The following PXK variants were observed in gnomAD, a reference collection of about 807,000 sequenced individuals.
PXK encodes PX domain-containing protein kinase-like protein.
In PXK, 35 loss-of-function variants were observed where a neutral mutation model predicts 84.7. That is an observed-to-expected ratio of 0.41 (90% confidence interval 0.32 to 0.55). PXK has a LOEUF of 0.55. Ranked by LOEUF, PXK falls within the 20% of genes least tolerant of loss-of-function variation. PXK has a pLI of 0.21. For missense variants in PXK, 634 were observed against 699.7 expected (o/e 0.91, Z 1.06); for synonymous variants, 253 against 260.8 (o/e 0.97, Z 0.29).
In PXK at chr3:58,417,098, G is replaced by A. The variant is rs928257016; in HGVS notation, c.1528+4135G>A. ...TTTTAAATTTTTTGTAGAGACAGGG[G>A]TCTCATCATGTTGCCCAGGTTGGTA... is the stretch of plus-strand genomic sequence containing the variant. On this transcript the variant is annotated intron_variant, in intron 17 of 17. Coordinates refer to ENST00000356151, the MANE Select transcript of PXK (RefSeq NM_017771.5). Among the ~76,000 whole-genome samples the A allele has an allele frequency of 4.6e-5, 7 of 152,224 alleles. No homozygotes were observed. In the East Asian group the frequency reaches 1.4e-3, roughly 29 times the overall value.
intron 13 of PXK, among the ~76,000 whole-genome samples, chr3:58,404,111 C>T (rs2059027230): frequency 6.6e-6 from 1 of 152,048 alleles, no homozygotes; most frequent in Non-Finnish European, 1.5e-5. Flanking sequence ...TTGATAAAGA[C>T]ATTGTAGTAA....
chr3:58,413,171 G>A (rs752962070), intron 17 of PXK: 48 of 609,788 alleles, frequency 7.9e-5, no homozygotes, highest in South Asian at 5.3e-4. Context: ...GGAATGGACC[G>A]GTTTCAGGGC....
At position 58,369,478 on chromosome 3, in the gene PXK, GGTAAAT is replaced by G; in HGVS notation, c.201+3_201+8del. ...TTGATTTGCTTAACAACAGCTTACA[GGTAAAT>G]GTTTTGAAATTCTAATTACACACAT... On this transcript the variant is annotated splice_donor_variant and splice_donor_5th_base_variant and intron_variant, in intron 3 of 17. Transcript: ENST00000356151. LOFTEE classifies it high-confidence loss of function. The G allele has an allele frequency of 6.2e-7, 1 of 1,607,560 alleles. No homozygotes were observed.
chr3:58,417,867 G>A (rs1183040306), intron 17 of PXK, among the ~76,000 whole-genome samples: 1 of 152,078 alleles, frequency 6.6e-6, no homozygotes, highest in Non-Finnish European at 1.5e-5. Flanking sequence ...TTTGAGACAG[G>A]GTCTCTCTCT....
intron 7 of PXK, among the ~76,000 whole-genome samples, chr3:58,393,725 A>G (rs1361590110): frequency 6.6e-6 from 1 of 152,234 alleles, no homozygotes; most frequent in Non-Finnish European, 1.5e-5. Flanking sequence ...ACCTATAATT[A>G]ATAACCAATG....
chr3:58,336,640 T>C (rs1403713618), intron 1 of PXK, among the ~76,000 whole-genome samples: 1 of 152,174 alleles, frequency 6.6e-6, no homozygotes, highest in Non-Finnish European at 1.5e-5. Context: ...AGGTAAGTTC[T>C]TGGCTATATA....
At chr3:58,358,350 C>T (rs2108270465) in intron 1 of PXK, among the ~76,000 whole-genome samples, 1 of 152,332 alleles carries the variant, frequency 6.6e-6, no homozygotes, top group African/African-American at 2.4e-5. Context: ...TCTGGAGGCT[C>T]ATTCTTAATG....
intron 17 of PXK, chr3:58,423,389 G>A: frequency 1.3e-6 from 2 of 1,501,478 alleles, no homozygotes; most frequent in Admixed American, 2.0e-5. Flanking sequence ...GTCTTTATTT[G>A]TATTGCTATC....
intron 17 of PXK, among the ~76,000 whole-genome samples, chr3:58,424,430 T>C (rs1413884777): frequency 2.0e-5 from 3 of 152,214 alleles, no homozygotes; most frequent in African/African-American, 7.2e-5. Context: ...AACTCTTCTT[T>C]GGGGACTATT....
intron 17 of PXK, chr3:58,423,134 C>T (rs2062190688): frequency 1.0e-6 from 1 of 985,166 alleles, no homozygotes; most frequent in Non-Finnish European, 1.2e-6. Flanking sequence ...CTCCCCTCCT[C>T]CTGGTATTTC....
chr3:58,377,402 G>A (rs1030872998), intron 3 of PXK, among the ~76,000 whole-genome samples: 2 of 152,042 alleles, frequency 1.3e-5, no homozygotes, highest in African/African-American at 4.8e-5. Flanking sequence ...CATGCCACTG[G>A]ACTGCTCTAA....
chr3:58,390,248 C>T lies in PXK; in HGVS notation c.389-334C>T, dbSNP rs1008673045. Reference sequence around the variant, plus strand: ...ACAGAAAATTGCCATATACTTCTCACCCAGTTTCTCCTAATGTTAATATTT... The same window carrying T: ...ACAGAAAATTGCCATATACTTCTCATCCAGTTTCTCCTAATGTTAATATTT... On this transcript the variant is annotated intron_variant, in intron 4 of 17. Transcript: ENST00000356151. The surrounding 1 kb of genome is among the most constrained non-coding windows in gnomAD (Gnocchi z 4.2). 6.6e-6 allele frequency among the ~76,000 whole-genome samples: 1 copy of T among 152,016 alleles called. No individual in the cohort carries two copies. The highest frequency in any genetic ancestry group is 2.4e-5 in the African/African-American group (1 of 41,384).
chr3:58,335,594 G>C (rs2097578635), intron 1 of PXK, among the ~76,000 whole-genome samples: 1 of 139,686 alleles, frequency 7.2e-6, no homozygotes, highest in South Asian at 2.1e-4. Context: ...GAAGGGAGAT[G>C]GTGTTCCAGA....
chr3:58,366,020 G>A (rs547340566), intron 2 of PXK, 96 bp downstream of exon 2: 6 of 980,902 alleles, frequency 6.1e-6, no homozygotes, highest in Non-Finnish European at 9.0e-6. Flanking sequence ...GGAAAAATCA[G>A]AACATGCATA....
chr3:58,401,124 T>A lies in PXK; in HGVS notation c.1181+1747T>A, dbSNP rs1420798833. 6.6e-6 allele frequency among the ~76,000 whole-genome samples: 1 copy of A among 152,226 alleles called. No homozygotes were observed. The highest frequency in any genetic ancestry group is 1.5e-5 in the Non-Finnish European group (1 of 68,034). On this transcript the variant is annotated intron_variant, in intron 12 of 17. Transcript: ENST00000356151. The surrounding 1 kb of genome is among the most constrained non-coding windows in gnomAD (Gnocchi z 4.4). Reference sequence around the variant, plus strand: ...CCTTAAGTGAATCCAAATATTTTTTTCTTCACCTAAGTCTTTCTACGATGT... The same window carrying A: ...CCTTAAGTGAATCCAAATATTTTTTACTTCACCTAAGTCTTTCTACGATGT...
At position 58,370,949 on chromosome 3, in the gene PXK, G is replaced by T. The variant is rs1221410271; in HGVS notation, c.201+1471G>T. Among the ~76,000 whole-genome samples, 1 of 152,216 alleles carries T rather than the reference G, an allele frequency of 6.6e-6. No individual in the cohort carries two copies. The highest frequency in any genetic ancestry group is 1.5e-5 in the Non-Finnish European group (1 of 68,038). Reference sequence around the variant, plus strand: ...GGAGGGGGAGGTTGCAGTGAGCCAAGAATGCACCACGTTGCACTGCATCCT... The same window carrying T: ...GGAGGGGGAGGTTGCAGTGAGCCAATAATGCACCACGTTGCACTGCATCCT... On this transcript the variant is annotated intron_variant, in intron 3 of 17. Transcript: ENST00000356151. This position sits in a 1 kb window ranked among gnomAD's most constrained non-coding sequence, Gnocchi z 4.2.
Position 58,395,667 on chromosome 3 carries a change from A to C in PXK, c.730A>C (p.Lys244Gln). The C allele has an allele frequency of 6.2e-7, 1 of 1,612,514 alleles. No homozygotes were observed. Among genetic ancestry groups the C allele is most frequent in the Non-Finnish European group, 8.5e-7 (1 of 1,179,228 alleles). ...LKDLIYKAKP[K>Q]DPFLKKYCNP... ...TTGTTCTTTTCCAAAGGCAAAACCA[A>C]AAGACCCATTTCTAAAGAAGTACTG... Residue 244 changes from lysine to glutamine, a missense_variant, in exon 9 of 18, where the codon AAA becomes CAA. By Grantham distance (53) the Lys-to-Gln change is moderately conservative. Transcript: ENST00000356151.
rs2060624591 is a variant in PXK at position 58,414,155 on chromosome 3, C to G, written c.1528+1192C>G. Reference sequence around the variant, plus strand: ...CTTTTATGGAGATACACTGTTTAGGCTGATCAGAAATGTCTGGTGATCTAC... The same window carrying G: ...CTTTTATGGAGATACACTGTTTAGGGTGATCAGAAATGTCTGGTGATCTAC... On this transcript the variant is annotated intron_variant, in intron 17 of 17. Transcript: ENST00000356151. The surrounding 1 kb of genome is among the most constrained non-coding windows in gnomAD (Gnocchi z 4.5). 7.2e-6 allele frequency: 1 copy of G among 138,860 alleles called. No individual in the cohort carries two copies. The highest frequency in any genetic ancestry group is 2.2e-4 in the South Asian group (1 of 4,524). 8.6% of individuals were successfully genotyped at this position (138,860 alleles called of 1,614,324 possible). A position where few individuals can be genotyped will look rare whatever the true frequency, so the allele number is the denominator to read the frequency against.
At chr3:58,362,508 T>G (rs1421246559) in intron 1 of PXK, among the ~76,000 whole-genome samples, 1 of 152,254 alleles carries the variant, frequency 6.6e-6, no homozygotes, top group East Asian at 1.9e-4. Flanking sequence ...CCAATTGCTC[T>G]GGCATCATTT....
Sources: gnomAD v4.1 joint callset for allele counts (sites outside exome capture counted in the v4.1 genomes callset) on GRCh38, gnomAD v4.1.1 for gene constraint, Gnocchi (gnomAD v3.1) non-coding constraint, MANE v1.5 for transcripts, NCBI Gene and HGNC (gene_info 2026-07-23, HGNC 2026-07-21) for gene names.